The following RPAP1 variants were observed in gnomAD, a reference collection of about 807,000 sequenced individuals.
The protein encoded by RPAP1 is RNA polymerase II associated protein 1, also known as RNA polymerase II-associated protein 1.
In RPAP1, 109 loss-of-function variants were observed where a neutral mutation model predicts 142.4. That is an observed-to-expected ratio of 0.77 (90% CI 0.66 to 0.90). RPAP1 has a LOEUF of 0.90. Ranked by LOEUF, RPAP1 falls within the 40% of genes least tolerant of loss-of-function variation. The pLI, the probability that RPAP1 is intolerant of heterozygous loss-of-function variation, is 0.00. For missense variants in RPAP1, 1,546 were observed against 1,751.7 expected (o/e 0.88, Z 2.10); for synonymous variants, 704 against 738.9 (o/e 0.95, Z 0.77).
At chr15:41,518,255 G>A (rs1005437364) in intron 22 of RPAP1, 73 bp from the exon 23 acceptor site, 24 of 1,332,092 alleles carry the variant, frequency 1.8e-5, no homozygotes, top group Middle Eastern at 4.7e-4. Context: ...TGTGGATAAC[G>A]ATCACATGAA....
chr15:41,538,948 T>C (rs543219122), intron 1 of RPAP1, among the ~76,000 whole-genome samples: 29 of 152,164 alleles, frequency 1.9e-4, no homozygotes, highest in Non-Finnish European at 2.8e-4. Context: ...ATATGGAATG[T>C]CCAAAATAGG....
chr15:41,535,718 A>C (rs1029084842), intron 4 of RPAP1, 86 bp from the exon 5 acceptor site: 5 of 1,526,602 alleles, frequency 3.3e-6, no homozygotes, highest in Non-Finnish European at 4.4e-6. Context: ...CTCTGGAACA[A>C]AGAGATAAAA....
chr15:41,531,203 C>A lies in RPAP1; in HGVS notation c.764-1G>T. The A allele has an allele frequency of 6.2e-7, 1 of 1,608,576 alleles. No homozygotes were observed. Among genetic ancestry groups the A allele is most frequent in the South Asian group, 1.1e-5 (1 of 90,914 alleles). ...CTCAAGAAAGCAACCAAGCTGGGGT[C>A]TAGAGGCGAAGGTAGAGGGGAGAGT... On this transcript the variant is annotated splice_acceptor_variant, in intron 6 of 24. Transcript: ENST00000304330. LOFTEE classifies it high-confidence loss of function.
chr15:41,521,714 T>TTTG (rs780991111), intron 21 of RPAP1, 24 bp downstream of exon 21: 62 of 1,612,788 alleles, frequency 3.8e-5, no homozygotes, highest in Non-Finnish European at 5.2e-5. Flanking sequence ...AGGGCTGAGT[T>TTTG]GATGCCACCA....
chr15:41,542,601 C>G (rs919205963), intron 1 of RPAP1, among the ~76,000 whole-genome samples: 1 of 152,180 alleles, frequency 6.6e-6, no homozygotes, highest in African/African-American at 2.4e-5. Context: ...GGGAGGTAAA[C>G]AGTATGAAAA....
Position 41,528,004 on chromosome 15 carries a change from G to A in RPAP1, c.1284C>T (p.Asp428=), listed in dbSNP as rs1177137669. 3.1e-6 allele frequency: 5 copies of A among 1,613,828 alleles called. No individual in the cohort carries two copies. The highest frequency in any genetic ancestry group is 1.1e-5 in the South Asian group (1 of 91,054). ...GGCTTAAGACACTGCCTGCTAGCCG[G>A]TCCCCAAACTCACCAGCCTGGGCCT... ...ISRAQAGEFG[D]RLAGSVLSLL... Residue 428 remains aspartate (D), a synonymous_variant, in exon 11 of 25, where the codon GAC becomes GAT. Coordinates refer to ENST00000304330, the MANE Select transcript of RPAP1 (RefSeq NM_015540.4).
intron 6 of RPAP1, chr15:41,533,534 T>G (rs1246787672): frequency 1.4e-5 from 2 of 144,754 alleles, no homozygotes; most frequent in African/African-American, 2.6e-5. Context: ...ACAAAAACCT[T>G]AAAAGAAATT....
intron 7 of RPAP1, 96 bp from the exon 8 acceptor site, chr15:41,530,075 G>T (rs1276627116): frequency 5.6e-6 from 5 of 888,042 alleles, no homozygotes; most frequent in Non-Finnish European, 7.3e-6. Context: ...ATCCACTTCT[G>T]TTCCAGGATC....
chr15:41,532,504 G>A (rs561203786), intron 6 of RPAP1, among the ~76,000 whole-genome samples: 77 of 152,186 alleles, frequency 5.1e-4, no homozygotes, highest in African/African-American at 1.8e-3. Context: ...GTATACAGTG[G>A]GTAACAAGAT....
chr15:41,523,450 A>G (rs1396617133), intron 17 of RPAP1, 96 bp from the exon 18 acceptor site: 1 of 831,674 alleles, frequency 1.2e-6, no homozygotes, highest in Non-Finnish European at 1.9e-6. Context: ...AACAGCCCAA[A>G]AGAGCACATT....
chr15:41,520,994 C>T lies in RPAP1; in HGVS notation c.3192G>A (p.Ser1064=), dbSNP rs994645836. ...SIRNCYLTHC[S]PARASLLASQ... ...AGGCCAGCAGACTGGCTCGGGCTGG[C>T]GAGCAATGAGTCAGGTAGCAGTTGC... Residue 1064 remains serine (S), a synonymous_variant, in exon 22 of 25, where the codon TCG becomes TCA. Coordinates refer to ENST00000304330, the MANE Select transcript of RPAP1 (RefSeq NM_015540.4). The T allele has an allele frequency of 6.2e-6, 10 of 1,606,216 alleles. No individual in the cohort carries two copies. Among genetic ancestry groups the T allele is most frequent in the Admixed American group, 3.4e-5 (2 of 59,500 alleles).
At position 41,537,168 on chromosome 15, in the gene RPAP1, G is replaced by C; in HGVS notation, c.-43C>G. 6.3e-7 allele frequency: 1 copy of C among 1,577,236 alleles called. No individual in the cohort carries two copies. Among genetic ancestry groups the C allele is most frequent in the Middle Eastern group, 1.7e-4 (1 of 5,950 alleles). ...CTCCCCAGTACGACTCTCTCCAGCA[G>C]TGTCTCCGTGTGGGGGTTCCCTCTT... On this transcript the variant is annotated 5_prime_UTR_variant, in exon 2 of 25. Transcript: ENST00000304330.
In RPAP1 at chr15:41,539,448, C is replaced by T. The variant is rs140888840; in HGVS notation, c.-76-2247G>A. 8.7e-3 allele frequency among the ~76,000 whole-genome samples: 1,327 copies of T among 152,202 alleles called. 11 individuals carry two copies. The highest frequency in any genetic ancestry group is 0.03 in the African/African-American group (1,260 of 41,532). On this transcript the variant is annotated intron_variant, in intron 1 of 24. Coordinates refer to ENST00000304330, the MANE Select transcript of RPAP1 (RefSeq NM_015540.4). ...TAGCTGGGATTACAGGCGCCCACCACCATGCCTGGCTAATTTTTTGTAGTT... is the reference window on the plus strand; with the variant it reads ...TAGCTGGGATTACAGGCGCCCACCATCATGCCTGGCTAATTTTTTGTAGTT...
chr15:41,524,883 T>G (rs1340756355), intron 15 of RPAP1, 108 bp downstream of exon 15: 17 of 1,191,886 alleles, frequency 1.4e-5, no homozygotes, highest in Non-Finnish European at 1.8e-5. Context: ...CACTCATTCT[T>G]ATCCTTCCTC....
chr15:41,523,837 G>A lies in RPAP1; in HGVS notation c.2370C>T (p.Ala790=), dbSNP rs760544597. 1.2e-5 allele frequency: 19 copies of A among 1,609,440 alleles called. No homozygotes were observed. The highest frequency in any genetic ancestry group is 5.6e-5 in the South Asian group (5 of 90,058). The change falls in exon 17 of 25, where the codon GCC becomes GCT. Residue 790 remains alanine (A), a synonymous_variant. Coordinates refer to ENST00000304330, the MANE Select transcript of RPAP1 (RefSeq NM_015540.4). Reference sequence around the variant, plus strand: ...GGCAGGCAACGGGCACTGGGCCCACGGCTCTCCACATCTCAGGTCTGGACA... The same window carrying A: ...GGCAGGCAACGGGCACTGGGCCCACAGCTCTCCACATCTCAGGTCTGGACA... The part of the protein sequence containing the change: ...KLLSRPEMWR[A]VGPVPVACLL...
rs942110849 is a variant in RPAP1 at position 41,529,753 on chromosome 15, A to C, written c.1059+111T>G. ...AAAGGTGGGTGAGAGCAAAGGAGAG[A>C]TGCTTCTCAGGCTCTGGGCAATAGA... On this transcript the variant is annotated intron_variant, in intron 8 of 24. Transcript: ENST00000304330. 4 of 877,860 alleles carry C rather than the reference A, an allele frequency of 4.6e-6. No individual in the cohort carries two copies. In the African/African-American group the frequency reaches 6.8e-5, roughly 15 times the overall value. The allele number at this position is 877,860 out of a possible 1,614,324, so 54.4% of individuals were successfully genotyped here.
chr15:41,538,973 CAG>C (rs2051942978), intron 1 of RPAP1, among the ~76,000 whole-genome samples: 1 of 152,132 alleles, frequency 6.6e-6, no homozygotes, highest in Admixed American at 6.6e-5. Context: ...TCCATAGAGA[CAG>C]AAAGTAGATT....
chr15:41,535,085 G>A (rs2051894199), intron 5 of RPAP1, 150 bp from the exon 6 acceptor site: 1 of 691,722 alleles, frequency 1.4e-6, no homozygotes, highest in Non-Finnish European at 2.4e-6. Context: ...CTGGCACAGG[G>A]ACTCCAGGTG....
chr15:41,543,913 A>C (rs978780945), intron 1 of RPAP1: 1 of 152,220 alleles, frequency 6.6e-6, no homozygotes, highest in East Asian at 1.9e-4. Context: ...GGGCTCTTAC[A>C]TTGCAGCCTA....
Sources: allele counts gnomAD v4.1 joint callset (sites outside exome capture counted in the v4.1 genomes callset), GRCh38; gene constraint gnomAD v4.1.1; transcripts MANE v1.5; gene names NCBI Gene and HGNC (gene_info 2026-07-23, HGNC 2026-07-21).